The following NELL2 variants were observed in gnomAD, a reference collection of about 807,000 sequenced individuals.
NELL2 encodes the protein protein kinase C-binding protein NELL2.
Under a neutral mutation model 109.6 loss-of-function variants are expected in NELL2, and 41 were observed. That is an observed-to-expected ratio of 0.37 (90% CI 0.29 to 0.49). NELL2 has a LOEUF of 0.49. Ranked by LOEUF, NELL2 falls within the 20% of genes least tolerant of loss-of-function variation. The probability of loss-of-function intolerance (pLI) is 0.98; values close to 1 mark genes in which losing one functional copy is unlikely to be tolerated. For synonymous variants in NELL2, 355 were observed against 344.7 expected (o/e 1.03, Z -0.33); for missense variants, 900 against 1,008.3 (o/e 0.89, Z 1.45).
chr12:44,574,438 C>A (rs1407385967), intron 15 of NELL2, among the ~76,000 whole-genome samples: 2 of 151,986 alleles, frequency 1.3e-5, no homozygotes. Flanking sequence ...TTAATATTGT[C>A]TTAAATTTAA....
rs1316885949 is a variant in NELL2 at position 44,617,454 on chromosome 12, G to A, written c.1445-6484C>T. On this transcript the variant is annotated intron_variant, in intron 13 of 19. Transcript: ENST00000429094. ...TGTAATCCCAGCACTTTGGGAGGCC[G>A]AGGCGGGCGGATCACGAGGTCAGGA... Among the ~76,000 whole-genome samples the A allele has an allele frequency of 6.6e-5, 7 of 106,108 alleles. 2 individuals carry two copies. Among genetic ancestry groups the A allele is most frequent in the African/African-American group, 3.1e-4 (5 of 16,006 alleles). 69.6% of individuals were successfully genotyped at this position (106,108 alleles called of 152,430 possible). A position where few individuals can be genotyped will look rare whatever the true frequency, so the allele number is the denominator to read the frequency against.
chr12:44,814,612 G>A (rs77949451), intron 3 of NELL2, among the ~76,000 whole-genome samples: 3,168 of 152,218 alleles, frequency 0.021, 47 homozygotes, highest in Non-Finnish European at 0.033. Context: ...GTGTTAGGAT[G>A]GCACCCTCCC....
intron 15 of NELL2, among the ~76,000 whole-genome samples, chr12:44,533,614 C>G (rs946212916): frequency 4.6e-5 from 7 of 152,070 alleles, no homozygotes; most frequent in African/African-American, 1.7e-4. Context: ...CAGATATTTC[C>G]TCCAGAGGCT....
intron 3 of NELL2, among the ~76,000 whole-genome samples, chr12:44,795,037 C>CGTAGCG (rs1313443806): frequency 6.6e-6 from 1 of 152,028 alleles, no homozygotes; most frequent in Admixed American, 6.6e-5. Flanking sequence ...ATTAGGTTTC[C>CGTAGCG]GAGAAATAGG....
chr12:44,755,479 A>G (rs185661565), intron 9 of NELL2, among the ~76,000 whole-genome samples: 1 of 151,766 alleles, frequency 6.6e-6, no homozygotes, highest in African/African-American at 2.4e-5. Context: ...ATTCTGAAGG[A>G]TTCTGACATC....
intron 19 of NELL2, among the ~76,000 whole-genome samples, chr12:44,512,828 A>G (rs1484973649): frequency 1.3e-5 from 2 of 152,040 alleles, no homozygotes; most frequent in South Asian, 4.1e-4. Flanking sequence ...GGAGAGGAGG[A>G]TAGGAAGATG....
chr12:44,582,743 G>T (rs573314293), intron 15 of NELL2, among the ~76,000 whole-genome samples: 101 of 152,152 alleles, frequency 6.6e-4, no homozygotes, highest in Non-Finnish European at 1.2e-3. Flanking sequence ...AGTATTGTTT[G>T]GTGCTATGGT....
intron 1 of NELL2, among the ~76,000 whole-genome samples, chr12:44,885,912 A>G (rs1053169187): frequency 5.3e-5 from 8 of 151,946 alleles, no homozygotes; most frequent in Non-Finnish European, 1.2e-4. Flanking sequence ...AAGACAGTAT[A>G]GTTTTAGCAT....
upstream of NELL2, among the ~76,000 whole-genome samples, chr12:44,917,098 T>G (rs1169097916): frequency 6.6e-6 from 1 of 152,140 alleles, no homozygotes; most frequent in Non-Finnish European, 1.5e-5. Context: ...TCCCTGAGAA[T>G]GTGCTTTTAA....
Position 44,777,234 on chromosome 12 carries a change from AGACTTACTGC to A in NELL2, c.677_679+7del. 2 of 1,613,260 alleles carry A rather than the reference AGACTTACTGC, an allele frequency of 1.2e-6. No homozygotes were observed. On this transcript the variant is annotated splice_donor_variant and splice_donor_5th_base_variant and coding_sequence_variant and intron_variant, in exon 6 of 20. Transcript: ENST00000429094. LOFTEE classifies it high-confidence loss of function. ...GGGACTCCACAGTGCAAGAACTAAT[AGACTTACTGC>A]GATTAAGATCTGGGCACTGAGCAAT...
chr12:44,665,357 A>G, intron 13 of NELL2, 127 bp downstream of exon 13: 1 of 729,744 alleles, frequency 1.4e-6, no homozygotes, highest in East Asian at 2.9e-5. Flanking sequence ...CAAATCAAGA[A>G]GATATGATTT....
chr12:44,771,341 T>TC (rs1941540908), intron 9 of NELL2, among the ~76,000 whole-genome samples: 1 of 143,112 alleles, frequency 7.0e-6, no homozygotes, highest in East Asian at 2.1e-4. Flanking sequence ...AACAGATGGT[T>TC]TTTTTAAAAA....
chr12:44,540,880 T>C (rs1257621179), intron 15 of NELL2, among the ~76,000 whole-genome samples: 1 of 143,570 alleles, frequency 7.0e-6, no homozygotes, highest in Non-Finnish European at 1.5e-5. Context: ...GAGCAATGGA[T>C]AATCAAGAAA....
In NELL2 at chr12:44,888,090, A is replaced by G. The variant is rs549946986; in HGVS notation, c.39-12190T>C. On this transcript the variant is annotated intron_variant, in intron 1 of 20. Transcript: ENST00000333837. ...ATTTTCCCAGAACCACTCATTGAAGACTGTCTTTTCCCCATTGTATGTTCT... is the reference window on the plus strand; with the variant it reads ...ATTTTCCCAGAACCACTCATTGAAGGCTGTCTTTTCCCCATTGTATGTTCT... Among the ~76,000 whole-genome samples, 4 of 152,080 alleles carry G rather than the reference A, an allele frequency of 2.6e-5. No individual in the cohort carries two copies. In the South Asian group the frequency reaches 8.3e-4, roughly 32 times the overall value.
chr12:44,718,406 A>C (rs1027415260), intron 9 of NELL2, among the ~76,000 whole-genome samples: 1 of 152,180 alleles, frequency 6.6e-6, no homozygotes, highest in African/African-American at 2.4e-5. Flanking sequence ...TAAAACAATA[A>C]AGGAATAATC....
chr12:44,762,024 C>T (rs113870450), intron 9 of NELL2, among the ~76,000 whole-genome samples: 11,270 of 151,936 alleles, frequency 0.074, 511 homozygotes, highest in Non-Finnish European at 0.095. Context: ...CCCCCTGAAT[C>T]TATAAAAATA....
rs1241074750 is a variant in NELL2, at chr12:44,644,604, G to GTGTA, written c.1444+20879_1444+20880insTACA. Among the ~76,000 whole-genome samples, 39 of 81,240 alleles carry GTGTA rather than the reference G, an allele frequency of 4.8e-4. 1 individual carries two copies. Among genetic ancestry groups the GTGTA allele is most frequent in the African/African-American group, 1.6e-3 (28 of 17,918 alleles). 53.3% of individuals were successfully genotyped at this position (81,240 alleles called of 152,430 possible). ...AGTATATATATATATATATATATAT[G>GTGTA]TATGTATATATATATATATATACAT... On this transcript the variant is annotated intron_variant, in intron 13 of 19. Transcript: ENST00000429094.
intron 15 of NELL2, among the ~76,000 whole-genome samples, chr12:44,583,065 A>T (rs1345387985): frequency 6.6e-6 from 1 of 152,178 alleles, no homozygotes; most frequent in African/African-American, 2.4e-5. Flanking sequence ...GGTAAGAAAT[A>T]AATTTCTTTT....
At chr12:44,593,305 C>T (rs1944827550) in intron 15 of NELL2, among the ~76,000 whole-genome samples, 1 of 152,056 alleles carries the variant, frequency 6.6e-6, no homozygotes, top group Admixed American at 6.5e-5. Flanking sequence ...TGTAAAACTT[C>T]CACATTTAGG....
Sources: gnomAD v4.1 joint callset for allele counts (sites outside exome capture counted in the v4.1 genomes callset) on GRCh38, gnomAD v4.1.1 for gene constraint, MANE v1.5 for transcripts, NCBI Gene and HGNC (gene_info 2026-07-23, HGNC 2026-07-21) for gene names.